Variants in RGS7 observed in about 807,000 individuals in gnomAD.
RGS7 encodes regulator of G-protein signaling 7.
RGS7 carries 27 observed loss-of-function variants against 81.1 expected under a neutral mutation model. The ratio of observed to expected loss-of-function variants is 0.33; its 90% CI spans 0.25 to 0.46. The LOEUF (loss-of-function observed/expected upper bound fraction) is 0.46, where lower values mean the gene tolerates loss of function less well. Ranked by LOEUF, RGS7 falls within the 20% of genes least tolerant of loss-of-function variation. RGS7 has a pLI of 1.00. For missense variants in RGS7, 396 were observed against 607.4 expected (o/e 0.65, Z 3.66); for synonymous variants, 208 against 207.7 (o/e 1.00, Z -0.01).
chr1:241,026,008 A>T (rs1009661915), intron 3 of RGS7, among the ~76,000 whole-genome samples: 1 of 152,220 alleles, frequency 6.6e-6, no homozygotes, highest in Non-Finnish European at 1.5e-5. Flanking sequence ...TAAAGCAGCA[A>T]TACAAATGTA....
chr1:241,110,260 A>G (rs1406791872), intron 2 of RGS7, among the ~76,000 whole-genome samples: 2 of 152,188 alleles, frequency 1.3e-5, no homozygotes, highest in African/African-American at 2.4e-5. Context: ...GTCCGAATCA[A>G]TAGTCTTATC....
intron 4 of RGS7, among the ~76,000 whole-genome samples, chr1:240,940,492 C>A (rs1304127058): frequency 6.6e-6 from 1 of 152,190 alleles, no homozygotes; most frequent in Non-Finnish European, 1.5e-5. Context: ...GGTGGCCCAT[C>A]TGTCTTCGTA....
At chr1:240,902,383 A>G (rs1052187428) in intron 6 of RGS7, among the ~76,000 whole-genome samples, 3 of 152,172 alleles carry the variant, frequency 2.0e-5, no homozygotes, top group Non-Finnish European at 4.4e-5. Context: ...TAAAATAAAT[A>G]TATTTTATTT....
intron 4 of RGS7, among the ~76,000 whole-genome samples, chr1:240,951,999 AAGAAAACCCACTAACCT>A (rs1332539483): frequency 1.2e-4 from 19 of 152,268 alleles, no homozygotes; most frequent in Admixed American, 4.6e-4. Context: ...GTGTTGAAGG[AAGAAAACCCACTAACCT>A]AGAATTTTAC....
chr1:241,158,694 A>C (rs2069381000), intron 2 of RGS7, among the ~76,000 whole-genome samples: 1 of 152,200 alleles, frequency 6.6e-6, no homozygotes, highest in Non-Finnish European at 1.5e-5. Context: ...CTCAGGTAGA[A>C]AAAGTTTCCC....
chr1:241,088,007 CATATATATATACACACACACAT>C (rs2063571820), intron 3 of RGS7, among the ~76,000 whole-genome samples: 1 of 131,216 alleles, frequency 7.6e-6, no homozygotes, highest in African/African-American at 3.7e-5. Context: ...CACACACACA[CATATATATATACACACACACAT>C]ATATATATAC....
At chr1:240,792,081 T>C (rs2103014213) in intron 18 of RGS7, among the ~76,000 whole-genome samples, 1 of 152,322 alleles carries the variant, frequency 6.6e-6, no homozygotes, top group Admixed American at 6.5e-5. Flanking sequence ...ATTCAGATCA[T>C]TTTGAATAAT....
At chr1:240,917,048 AT>A (rs1339055285) in intron 6 of RGS7, among the ~76,000 whole-genome samples, 1 of 152,196 alleles carries the variant, frequency 6.6e-6, no homozygotes, top group East Asian at 1.9e-4. Context: ...AAAAAATAAA[AT>A]AACTGCTTTG....
intron 2 of RGS7, among the ~76,000 whole-genome samples, chr1:241,154,663 AGCCTTGGGCAGTT>A (rs1170091125): frequency 6.6e-6 from 1 of 152,270 alleles, no homozygotes; most frequent in Non-Finnish European, 1.5e-5. Context: ...ATTAGAACCT[AGCCTTGGGCAGTT>A]ATTACAGGTG....
chr1:240,881,923 T>G (rs1343910439), intron 6 of RGS7, among the ~76,000 whole-genome samples: 4 of 151,868 alleles, frequency 2.6e-5, no homozygotes, highest in Non-Finnish European at 5.9e-5. Flanking sequence ...AAAAATCTTT[T>G]TTTTTTTTTG....
intron 2 of RGS7, among the ~76,000 whole-genome samples, chr1:241,312,523 T>C (rs1400837140): frequency 1.3e-5 from 2 of 152,180 alleles, no homozygotes; most frequent in East Asian, 1.9e-4. Context: ...GTGATGGTGA[T>C]CTGTGATCAG....
chr1:241,266,990 C>T (rs1179006028), intron 2 of RGS7, among the ~76,000 whole-genome samples: 1 of 152,132 alleles, frequency 6.6e-6, no homozygotes, highest in East Asian at 1.9e-4. Flanking sequence ...TCTGGGTCTG[C>T]CCGAGTTAAA....
chr1:241,032,087 T>C (rs546792694), intron 3 of RGS7, among the ~76,000 whole-genome samples: 2 of 152,366 alleles, frequency 1.3e-5, no homozygotes, highest in Admixed American at 1.3e-4. Context: ...CAGGTTTACT[T>C]CTAGTATTTC....
intron 4 of RGS7, among the ~76,000 whole-genome samples, chr1:240,948,448 T>G (rs1679011435): frequency 6.6e-6 from 1 of 152,138 alleles, no homozygotes; most frequent in South Asian, 2.1e-4. Context: ...GCTATTTTAT[T>G]TATTTATTTA....
chr1:240,808,834 C>G (rs1239474952), intron 14 of RGS7, among the ~76,000 whole-genome samples: 1 of 151,664 alleles, frequency 6.6e-6, no homozygotes, highest in African/African-American at 2.4e-5. Flanking sequence ...ATGACAGTGT[C>G]TCTGAACTGC....
intron 2 of RGS7, among the ~76,000 whole-genome samples, chr1:241,261,734 A>T (rs1256530219): frequency 6.6e-6 from 1 of 150,530 alleles, no homozygotes; most frequent in Non-Finnish European, 1.5e-5. Flanking sequence ...GACAGATGCT[A>T]AATAAGGATC....
chr1:241,156,152 AG>A (rs2069122655), intron 2 of RGS7, among the ~76,000 whole-genome samples: 1 of 151,160 alleles, frequency 6.6e-6, no homozygotes. Flanking sequence ...ATAGATAGAT[AG>A]ATAGATAGAT....
intron 2 of RGS7, among the ~76,000 whole-genome samples, chr1:241,151,389 G>A (rs2068738500): frequency 6.6e-6 from 1 of 151,962 alleles, no homozygotes. Context: ...CAGGAAGCCT[G>A]TCCAGCCATG....
chr1:241,077,314 T>C (rs532808871), intron 3 of RGS7, among the ~76,000 whole-genome samples: 1 of 152,200 alleles, frequency 6.6e-6, no homozygotes, highest in South Asian at 2.1e-4. Flanking sequence ...TTCACAGAAA[T>C]TTGACCCAAA....
Sources: gnomAD v4.1 joint callset for allele counts (sites outside exome capture counted in the v4.1 genomes callset) on GRCh38, gnomAD v4.1.1 for gene constraint, MANE v1.5 for transcripts, NCBI Gene and HGNC (gene_info 2026-07-23, HGNC 2026-07-21) for gene names.